Variants in DEPDC5 observed in about 807,000 individuals in gnomAD.
The protein encoded by DEPDC5 is GATOR1 complex protein DEPDC5.
A neutral mutation model predicts 217.3 loss-of-function variants in DEPDC5; 73 were observed. The observed-to-expected ratio is 0.34, with a 90% confidence interval of 0.28 to 0.41. DEPDC5 has a LOEUF of 0.41. DEPDC5 is among the 10% of genes least tolerant of loss of function. DEPDC5 has a pLI of 1.00. For synonymous variants in DEPDC5, 733 were observed against 756.7 expected (o/e 0.97, Z 0.51); for missense variants, 1,675 against 2,070.1 (o/e 0.81, Z 3.70).
At chr22:31,768,753 T>A in intron 6 of DEPDC5, 61 bp from the exon 7 acceptor site, 1 of 1,408,360 alleles carries the variant, frequency 7.1e-7, no homozygotes, top group South Asian at 1.2e-5. Context: ...TCAATCTCTC[T>A]CTCTTTCTCA....
intron 26 of DEPDC5, among the ~76,000 whole-genome samples, chr22:31,838,477 T>TTATGCA (rs1382692415): frequency 6.6e-5 from 10 of 152,096 alleles, no homozygotes; most frequent in African/African-American, 2.4e-4. Flanking sequence ...ATTCCTGGGC[T>TTATGCA]TATGCATATG....
chr22:31,872,104 G>A (rs1368963822), intron 34 of DEPDC5, among the ~76,000 whole-genome samples: 1 of 152,206 alleles, frequency 6.6e-6, no homozygotes. Context: ...CAAAGAACTT[G>A]AGGAGCTTCT....
At chr22:31,804,694 C>T in intron 16 of DEPDC5, 148 bp from the exon 17 acceptor site, 1 of 716,832 alleles carries the variant, frequency 1.4e-6, no homozygotes, top group East Asian at 2.7e-5. Flanking sequence ...CCCGCCTTGG[C>T]CTCCCAAATT....
chr22:31,898,429 A>T (rs533420031), intron 40 of DEPDC5, among the ~76,000 whole-genome samples: 2 of 152,294 alleles, frequency 1.3e-5, no homozygotes, highest in African/African-American at 4.8e-5. Flanking sequence ...GCTTTTGATG[A>T]GTTCACAGAT....
chr22:31,886,755 C>CAAAA (rs1224610835), intron 38 of DEPDC5, among the ~76,000 whole-genome samples: 1 of 52,114 alleles, frequency 1.9e-5, no homozygotes, highest in Non-Finnish European at 4.2e-5. Context: ...GTCTCCATCT[C>CAAAA]AAAAAAAAAA....
chr22:31,755,388 G>T, intron 2 of DEPDC5: 1 of 195,952 alleles, frequency 5.1e-6, no homozygotes, highest in Admixed American at 5.3e-5. Flanking sequence ...ACCTTTGCCT[G>T]GCTTGTAGGC....
At chr22:31,883,198 C>G (rs185295111) in intron 38 of DEPDC5, among the ~76,000 whole-genome samples, 1 of 152,126 alleles carries the variant, frequency 6.6e-6, no homozygotes, top group Admixed American at 6.5e-5. Flanking sequence ...AAAATTACCC[C>G]CAGCTGAGAA....
intron 34 of DEPDC5, 47 bp downstream of exon 34, chr22:31,870,791 G>A (rs761448409): frequency 1.4e-6 from 2 of 1,454,102 alleles, no homozygotes; most frequent in African/African-American, 2.9e-5. Flanking sequence ...AGTGGGGACA[G>A]TCTGATCTCA....
intron 20 of DEPDC5, among the ~76,000 whole-genome samples, chr22:31,812,569 C>T (rs1417161458): frequency 5.4e-5 from 8 of 149,434 alleles, no homozygotes; most frequent in African/African-American, 1.7e-4. Context: ...GGACTACAGG[C>T]GCCCACCACC....
chr22:31,838,559 T>TA (rs1305301787), intron 26 of DEPDC5, 126 bp from the exon 27 acceptor site: 2 of 1,288,850 alleles, frequency 1.6e-6, no homozygotes, highest in African/African-American at 2.9e-5. Context: ...CTCAAACTGT[T>TA]AGTTTTATGA....
chr22:31,877,016 G>A (rs1182444329), intron 37 of DEPDC5, among the ~76,000 whole-genome samples: 1 of 152,058 alleles, frequency 6.6e-6, no homozygotes, highest in Non-Finnish European at 1.5e-5. Context: ...GGTGGTGCAT[G>A]CATGTAATCC....
At chr22:31,794,689 A>T (rs764887676) in intron 12 of DEPDC5, among the ~76,000 whole-genome samples, 5 of 152,132 alleles carry the variant, frequency 3.3e-5, no homozygotes, top group Admixed American at 1.3e-4. Context: ...GTTTGAAACC[A>T]GCCAGTGCAC....
At chr22:31,900,480 T>C (rs1409017121) in intron 40 of DEPDC5, among the ~76,000 whole-genome samples, 2 of 152,124 alleles carry the variant, frequency 1.3e-5, no homozygotes, top group Non-Finnish European at 2.9e-5. Context: ...GCCTCACGCC[T>C]ATAATCCCAG....
intron 33 of DEPDC5, among the ~76,000 whole-genome samples, chr22:31,867,851 C>T (rs5998153): frequency 2.0e-5 from 3 of 151,992 alleles, no homozygotes; most frequent in Admixed American, 6.6e-5. Flanking sequence ...ATGGCCTTCA[C>T]GTTAGGCTGG....
intron 40 of DEPDC5, 139 bp downstream of exon 40, chr22:31,897,792 C>CGGCCGGGCGTGG: frequency 1.0e-6 from 1 of 965,172 alleles, no homozygotes; most frequent in Non-Finnish European, 1.5e-6. Flanking sequence ...GATCAAGGTT[C>CGGCCGGGCGTGG]TAAAGGATCC....
At chr22:31,843,907 T>C in intron 29 of DEPDC5, 95 bp downstream of exon 29, 5 of 1,236,246 alleles carry the variant, frequency 4.0e-6, no homozygotes, top group South Asian at 2.0e-5. Context: ...TCTCTCTCCC[T>C]TTTTCTTTTT....
At chr22:31,870,284 G>T (rs945263491) in intron 33 of DEPDC5, among the ~76,000 whole-genome samples, 3 of 152,112 alleles carry the variant, frequency 2.0e-5, no homozygotes, top group South Asian at 2.1e-4. Flanking sequence ...GTGCTGAAGC[G>T]ATTTCTTTGG....
chr22:31,784,744 A>G, intron 9 of DEPDC5, 70 bp from the exon 10 acceptor site: 1 of 1,460,298 alleles, frequency 6.8e-7, no homozygotes, highest in East Asian at 2.3e-5. Context: ...AAGAAATTAG[A>G]GAAGAAATTG....
rs776685422 is a variant in DEPDC5, at chr22:31,798,600, A to G, written c.890A>G (p.Asp297Gly). The G allele has an allele frequency of 3.1e-6, 5 of 1,611,308 alleles. No individual in the cohort carries two copies. Among genetic ancestry groups the G allele is most frequent in the South Asian group, 1.1e-5 (1 of 91,038 alleles). Residue 297 changes from aspartate (D) to glycine (G), a missense_variant, in exon 14 of 43, where the codon GAT (aspartate) becomes GGT (glycine). Around this residue, in one of 11 missense-constraint regions of DEPDC5, gnomAD observed 628 missense variants for 762.1 expected, o/e 0.82. Transcript: ENST00000651528. ...GCTTCAGAGGGCTTTCCTCAAGGAG[A>G]TAATTCTACCTCAGCACAAGGAAAC... The part of the protein sequence containing the change: ...LEQAEGFPQG[D>G]NSTSAQGNYL...
Sources: gnomAD v4.1 joint callset for allele counts (sites outside exome capture counted in the v4.1 genomes callset) on GRCh38, gnomAD v4.1.1 for gene constraint, gnomAD v4.1.1 regional missense constraint, MANE v1.5 for transcripts, NCBI Gene and HGNC (gene_info 2026-07-23, HGNC 2026-07-21) for gene names.